Variants in ALDH9A1 observed in about 807,000 individuals in gnomAD.
ALDH9A1 encodes the protein 4-trimethylaminobutyraldehyde dehydrogenase.
A neutral mutation model predicts 56.6 loss-of-function variants in ALDH9A1; 42 were observed. That is an observed-to-expected ratio of 0.74 (90% CI 0.58 to 0.96). The LOEUF is 0.96. Ranked by LOEUF, ALDH9A1 falls within the 40% of genes least tolerant of loss-of-function variation. The pLI, the probability that ALDH9A1 is intolerant of heterozygous loss-of-function variation, is 0.00. For synonymous variants in ALDH9A1, 242 were observed against 236.0 expected, an observed-to-expected ratio of 1.03 and a Z score of -0.23; for missense variants, 661 against 651.5, an observed-to-expected ratio of 1.01 and a Z score of -0.16.
rs756326884 is a variant in ALDH9A1, at chr1:165,669,023, AG to A, written c.1120-11del. ...ATAACACTTTAGCACCCTGCCGAAA[AG>A]GAAAAAAGATATGTTGTATTAAAAA... is the stretch of plus-strand genomic sequence containing the variant. On this transcript the variant is annotated splice_polypyrimidine_tract_variant and intron_variant, in intron 7 of 10. Coordinates refer to ENST00000354775, the MANE Select transcript of ALDH9A1 (RefSeq NM_000696.4). 1.3e-6 allele frequency: 2 copies of A among 1,575,152 alleles called. No homozygotes were observed. The highest frequency in any genetic ancestry group is 4.5e-5 in the East Asian group (2 of 44,716).
At chr1:165,664,327 T>C (rs141884453) in intron 10 of ALDH9A1, among the ~76,000 whole-genome samples, 71 of 152,288 alleles carry the variant, frequency 4.7e-4, no homozygotes, top group African/African-American at 1.7e-3. Flanking sequence ...AATATGTAAA[T>C]GAATATTTAC....
At chr1:165,685,850 A>G (rs1649693264) in intron 2 of ALDH9A1, among the ~76,000 whole-genome samples, 1 of 152,208 alleles carries the variant, frequency 6.6e-6, no homozygotes, top group Admixed American at 6.5e-5. Flanking sequence ...GCTGGAGGCA[A>G]GAAGATAACC....
In ALDH9A1 at chr1:165,662,318, G is replaced by A. The variant is rs996287623; in HGVS notation, c.*732C>T. The A allele has an allele frequency of 6.7e-6, 1 of 149,150 alleles. No individual in the cohort carries two copies. The highest frequency in any genetic ancestry group is 2.6e-5 in the African/African-American group (1 of 38,524). The allele number at this position is 149,150 out of a possible 1,614,324, so 9.2% of individuals were successfully genotyped here. A position where few individuals can be genotyped will look rare whatever the true frequency, so the allele number is the denominator to read the frequency against. On this transcript the variant is annotated 3_prime_UTR_variant, in exon 11 of 11. Transcript: ENST00000354775. ...CTCCACTGGTGTAAGACAGCAGGCT[G>A]TAGTTCAAGGACCCAAGATAGGGAG...
chr1:165,674,134 C>T (rs1649267797), intron 6 of ALDH9A1, among the ~76,000 whole-genome samples: 1 of 151,858 alleles, frequency 6.6e-6, no homozygotes, highest in South Asian at 2.1e-4. Context: ...TTTACAAATG[C>T]CATGGCAACG....
rs140134210 is a variant in ALDH9A1 at position 165,665,017 on chromosome 1, C to A, written c.1462+1G>T. Reference sequence around the variant, plus strand: ...TGCATTCACACCTCCCAGCTCCTCACCTGACTTCTTATATCCACCAAAGGG... The same window carrying A: ...TGCATTCACACCTCCCAGCTCCTCAACTGACTTCTTATATCCACCAAAGGG... On this transcript the variant is annotated splice_donor_variant, in intron 10 of 10. Coordinates refer to ENST00000354775, the MANE Select transcript of ALDH9A1 (RefSeq NM_000696.4). LOFTEE classifies it high-confidence loss of function. 2.7e-5 allele frequency: 44 copies of A among 1,613,198 alleles called. No homozygotes were observed. The highest frequency in any genetic ancestry group is 3.6e-5 in the Non-Finnish European group (42 of 1,179,212).
Position 165,679,661 on chromosome 1 carries a change from C to T in ALDH9A1, c.790-79G>A. ...CTAAGTCAACTAGGCCCTGAACCTA[C>T]AAAATCATCTTGAACTGTTTGTGAC... On this transcript the variant is annotated intron_variant, in intron 5 of 10. Coordinates refer to ENST00000354775, the MANE Select transcript of ALDH9A1 (RefSeq NM_000696.4). The T allele has an allele frequency of 4.8e-6, 7 of 1,455,130 alleles. No individual in the cohort carries two copies. The South Asian group carries it at 8.3e-5, about 17-fold the overall frequency. 90.1% of individuals were successfully genotyped at this position (1,455,130 alleles called of 1,614,324 possible). A position where few individuals can be genotyped will look rare whatever the true frequency, so the allele number is the denominator to read the frequency against.
chr1:165,674,981 T>A (rs527613783), intron 6 of ALDH9A1, among the ~76,000 whole-genome samples: 1 of 152,072 alleles, frequency 6.6e-6, no homozygotes, highest in Non-Finnish European at 1.5e-5. Flanking sequence ...TCGCCTGAGC[T>A]CAGGAGTTCA....
chr1:165,684,381 TC>T (rs1649645890), intron 2 of ALDH9A1, among the ~76,000 whole-genome samples: 1 of 152,210 alleles, frequency 6.6e-6, no homozygotes, highest in Admixed American at 6.5e-5. Flanking sequence ...AATTAAACTC[TC>T]TTTTAAACCA....
intron 3 of ALDH9A1, 56 bp from the exon 4 acceptor site, chr1:165,682,297 C>A: frequency 6.3e-7 from 1 of 1,578,924 alleles, no homozygotes; most frequent in Non-Finnish European, 8.7e-7. Context: ...CAAGATTTCA[C>A]CAACATCTGT....
intron 6 of ALDH9A1, among the ~76,000 whole-genome samples, chr1:165,677,116 C>T (rs1571173084): frequency 6.6e-6 from 1 of 152,076 alleles, no homozygotes; most frequent in Admixed American, 6.5e-5. Context: ...CACATGCCTG[C>T]AATCCCAGCA....
chr1:165,682,046 G>A (rs1649567408), intron 4 of ALDH9A1, 61 bp downstream of exon 4: 1 of 1,590,074 alleles, frequency 6.3e-7, no homozygotes, highest in Non-Finnish European at 8.6e-7. Context: ...TAGAGAATGG[G>A]GAGAGAACGA....
chr1:165,664,911 CA>C (rs1648959341), intron 10 of ALDH9A1, 106 bp downstream of exon 10: 1 of 835,010 alleles, frequency 1.2e-6, no homozygotes. Flanking sequence ...TGTATTTCCC[CA>C]GGTAATTCAG....
rs1649187053 is a variant in ALDH9A1 at position 165,671,752 on chromosome 1, A to G, written c.931-2302T>C. The stretch of plus-strand genomic sequence containing the variant: ...CATAAATTTGTCTATGTACTTGAGC[A>G]ATAAAATAATTGCTTAACTAACAAA... On this transcript the variant is annotated intron_variant, in intron 6 of 10. Coordinates refer to ENST00000354775, the MANE Select transcript of ALDH9A1 (RefSeq NM_000696.4). 7 of 301,508 alleles carry G rather than the reference A, an allele frequency of 2.3e-5. 1 individual carries two copies. Among genetic ancestry groups the G allele is most frequent in the South Asian group, 2.3e-4 (7 of 30,678 alleles). 18.7% of individuals were successfully genotyped at this position (301,508 alleles called of 1,614,324 possible). A position where few individuals can be genotyped will look rare whatever the true frequency, so the allele number is the denominator to read the frequency against.
chr1:165,691,716 C>G (rs952565101), intron 2 of ALDH9A1, among the ~76,000 whole-genome samples: 6 of 152,156 alleles, frequency 3.9e-5, no homozygotes, highest in African/African-American at 1.4e-4. Flanking sequence ...GAGGGAACCT[C>G]CCTAACTCAT....
At chr1:165,666,989 A>G (rs959994928) in intron 9 of ALDH9A1, among the ~76,000 whole-genome samples, 3 of 152,206 alleles carry the variant, frequency 2.0e-5, no homozygotes, top group Admixed American at 6.5e-5. Flanking sequence ...ACTGCCCACA[A>G]TTTATATACT....
rs142640961 is a variant in ALDH9A1, at chr1:165,695,377, T to G, written c.202A>C (p.Thr68Pro). 1.3e-4 allele frequency: 209 copies of G among 1,610,900 alleles called. 2 individuals are homozygous for G. The highest frequency in any genetic ancestry group is 9.3e-6 in the Non-Finnish European group (11 of 1,178,910). ...TTTACTTCCTTTTCTCCTGAACATG[T>G]GAAAGTAGCTATCACTCGGCCTATA... ...PATGRVIATF[T>P]CSGEKEVNLA... Residue 68 changes from threonine (T) to proline (P), a missense_variant, in exon 2 of 11, where the codon ACA becomes CCA. By Grantham distance (38) the Thr-to-Pro change is conservative. Coordinates refer to ENST00000354775, the MANE Select transcript of ALDH9A1 (RefSeq NM_000696.4).
intron 1 of ALDH9A1, 78 bp downstream of exon 1, chr1:165,698,300 A>G: frequency 6.6e-7 from 1 of 1,522,566 alleles, no homozygotes; most frequent in Non-Finnish European, 8.8e-7. Context: ...GCTGCAGAAC[A>G]CAGGAAACGG....
At chr1:165,675,432 A>G (rs1236072110) in intron 6 of ALDH9A1, among the ~76,000 whole-genome samples, 1 of 152,120 alleles carries the variant, frequency 6.6e-6, no homozygotes, top group Non-Finnish European at 1.5e-5. Flanking sequence ...CCTTTTGTGT[A>G]TGAAAGAAGA....
At chr1:165,695,422 T>C (rs1437136771) in intron 1 of ALDH9A1, 25 bp from the exon 2 acceptor site, 3 of 1,558,146 alleles carry the variant, frequency 1.9e-6, no homozygotes, top group Non-Finnish European at 1.7e-6. Flanking sequence ...AACATCAGTT[T>C]TAACTCAAAT....
Sources: allele counts gnomAD v4.1 joint callset (sites outside exome capture counted in the v4.1 genomes callset), GRCh38; gene constraint gnomAD v4.1.1; transcripts MANE v1.5; gene names NCBI Gene and HGNC (gene_info 2026-07-23, HGNC 2026-07-21).